The following PTPRT variants were observed in gnomAD, a reference collection of about 807,000 sequenced individuals.
PTPRT encodes protein tyrosine phosphatase receptor type T.
PTPRT carries 56 observed loss-of-function variants against 176.8 expected under a neutral mutation model. The observed-to-expected ratio is 0.32, with a 90% CI of 0.26 to 0.40. The LOEUF (loss-of-function observed/expected upper bound fraction) is 0.40. PTPRT is among the 10% of genes least tolerant of loss of function. The probability of loss-of-function intolerance (pLI) is 1.00; values close to 1 mark genes in which losing one functional copy is unlikely to be tolerated. For missense variants in PTPRT, 1,540 were observed against 1,908.2 expected (o/e 0.81, Z 3.60); for synonymous variants, 783 against 739.0 (o/e 1.06, Z -0.96).
intron 7 of PTPRT, among the ~76,000 whole-genome samples, chr20:42,498,148 G>C (rs1016982007): frequency 1.3e-5 from 2 of 152,142 alleles, no homozygotes. Context: ...TTTTATTGTG[G>C]TAAGTGATGT....
chr20:43,188,761 GGC>G (rs1039637940), intron 1 of PTPRT, among the ~76,000 whole-genome samples: 1 of 147,552 alleles, frequency 6.8e-6, no homozygotes, highest in African/African-American at 2.5e-5. Flanking sequence ...GGGGGGGGGG[GGC>G]TCGGGGGTGG....
intron 7 of PTPRT, among the ~76,000 whole-genome samples, chr20:42,657,460 C>T (rs916728572): frequency 1.3e-5 from 2 of 152,194 alleles, no homozygotes; most frequent in Non-Finnish European, 2.9e-5. Flanking sequence ...TCTTTTCAGG[C>T]TCTTTCTTCA....
chr20:42,934,894 C>T (rs112619190), intron 1 of PTPRT, among the ~76,000 whole-genome samples: 3,558 of 151,906 alleles, frequency 0.023, 158 homozygotes, highest in African/African-American at 0.082. Flanking sequence ...CATGGTGGAA[C>T]CACGTCTCTA....
intron 15 of PTPRT, among the ~76,000 whole-genome samples, chr20:42,206,563 C>T (rs1209620678): frequency 2.0e-5 from 3 of 152,194 alleles, no homozygotes; most frequent in Non-Finnish European, 4.4e-5. Flanking sequence ...CCGAATACTG[C>T]GCATTTCCGA....
At chr20:42,202,299 G>T (rs1437740989) in intron 15 of PTPRT, among the ~76,000 whole-genome samples, 1 of 152,060 alleles carries the variant, frequency 6.6e-6, no homozygotes, top group Non-Finnish European at 1.5e-5. Flanking sequence ...TCTCGTTTTG[G>T]CCATAATTTG....
intron 1 of PTPRT, among the ~76,000 whole-genome samples, chr20:42,925,204 G>C (rs1026456225): frequency 6.6e-5 from 10 of 152,058 alleles, no homozygotes; most frequent in Non-Finnish European, 1.5e-4. Flanking sequence ...AGTAGCACCT[G>C]TACTAATATT....
chr20:43,016,788 C>T lies in PTPRT; in HGVS notation c.89-130856G>A, dbSNP rs1280823405. Among the ~76,000 whole-genome samples the T allele has an allele frequency of 4.6e-5, 7 of 152,072 alleles. No homozygotes were observed. The South Asian group carries it at 1.5e-3, about 32-fold the overall frequency. ...CTGACTTCAAGTGATCCGCCCACCT[C>T]GGCCTCCCAAAGTGCTGGGACTGCA... On this transcript the variant is annotated intron_variant, in intron 1 of 30. Transcript: ENST00000373187.
intron 7 of PTPRT, among the ~76,000 whole-genome samples, chr20:42,569,081 A>AAAT (rs1568984651): frequency 1.9e-4 from 6 of 30,812 alleles, no homozygotes; most frequent in Non-Finnish European, 2.8e-4. Flanking sequence ...AAAAAAAAAA[A>AAAT]ATATATATAT....
At chr20:42,681,453 G>T (rs941226808) in intron 6 of PTPRT, among the ~76,000 whole-genome samples, 4 of 152,182 alleles carry the variant, frequency 2.6e-5, no homozygotes, top group African/African-American at 9.7e-5. Context: ...CTCTTGCAGA[G>T]AGCACTTAGG....
At chr20:42,162,111 C>A (rs1265908211) in intron 16 of PTPRT, among the ~76,000 whole-genome samples, 1 of 152,146 alleles carries the variant, frequency 6.6e-6, no homozygotes, top group Non-Finnish European at 1.5e-5. Context: ...TAGCAGGGAC[C>A]CTGACCCTCC....
chr20:42,248,924 T>C (rs2056503290), intron 13 of PTPRT, 102 bp from the exon 14 acceptor site: 1 of 1,397,610 alleles, frequency 7.2e-7, no homozygotes, highest in African/African-American at 1.4e-5. Context: ...GTGCTAACTA[T>C]GTGCCAGGCA....
At chr20:42,599,384 C>A (rs2073735036) in intron 7 of PTPRT, among the ~76,000 whole-genome samples, 1 of 152,150 alleles carries the variant, frequency 6.6e-6, no homozygotes, top group South Asian at 2.1e-4. Flanking sequence ...ATTCTGCAAA[C>A]CACCGGAGCT....
chr20:42,596,361 T>C (rs968179277), intron 7 of PTPRT, among the ~76,000 whole-genome samples: 7 of 152,228 alleles, frequency 4.6e-5, no homozygotes, highest in Non-Finnish European at 7.3e-5. Flanking sequence ...AACGTATTAA[T>C]AGTTCAGGTA....
At chr20:42,332,793 T>C (rs2057985904) in intron 11 of PTPRT, among the ~76,000 whole-genome samples, 1 of 152,182 alleles carries the variant, frequency 6.6e-6, no homozygotes, top group African/African-American at 2.4e-5. Flanking sequence ...TCTTCAATAA[T>C]TAAAAATTTT....
intron 15 of PTPRT, among the ~76,000 whole-genome samples, chr20:42,203,970 T>C (rs1178124571): frequency 6.6e-6 from 1 of 152,206 alleles, no homozygotes; most frequent in African/African-American, 2.4e-5. Context: ...CCTACTCCAA[T>C]TTCTTGCTGA....
At chr20:42,763,342 T>C (rs2076941483) in intron 5 of PTPRT, among the ~76,000 whole-genome samples, 1 of 152,196 alleles carries the variant, frequency 6.6e-6, no homozygotes. Context: ...CTGTCTTTAA[T>C]AAAAGGAAAC....
chr20:42,305,962 G>A (rs2057540426), intron 12 of PTPRT, among the ~76,000 whole-genome samples: 1 of 152,192 alleles, frequency 6.6e-6, no homozygotes, highest in African/African-American at 2.4e-5. Flanking sequence ...TATAGAAACT[G>A]AGGCTGCTAT....
In PTPRT at chr20:42,876,300, G is replaced by A. The variant is rs541221585; in HGVS notation, c.214+9507C>T. Among the ~76,000 whole-genome samples the A allele has an allele frequency of 5.3e-5, 8 of 152,210 alleles. No individual in the cohort carries two copies. In the South Asian group the frequency reaches 1.0e-3, roughly 20 times the overall value. On this transcript the variant is annotated intron_variant, in intron 2 of 30. Coordinates refer to ENST00000373187, the MANE Select transcript of PTPRT (RefSeq NM_007050.6). ...AATAATAATATCAGGTGTGATTAAGGACACTTAAAGGCCCATACTTCCATA... is the reference window on the plus strand; with the variant it reads ...AATAATAATATCAGGTGTGATTAAGAACACTTAAAGGCCCATACTTCCATA...
chr20:43,038,713 G>A (rs6030618), intron 1 of PTPRT, among the ~76,000 whole-genome samples: 3 of 152,080 alleles, frequency 2.0e-5, no homozygotes, highest in Non-Finnish European at 4.4e-5. Context: ...GAGCATAACT[G>A]AAAACTGTTG....
Sources: gnomAD v4.1 joint callset for allele counts (sites outside exome capture counted in the v4.1 genomes callset) on GRCh38, gnomAD v4.1.1 for gene constraint, MANE v1.5 for transcripts, NCBI Gene and HGNC (gene_info 2026-07-23, HGNC 2026-07-21) for gene names.